SEC24A: variants seen among roughly 807,000 people sequenced by gnomAD.
SEC24A encodes protein transport protein Sec24A.
Under a neutral mutation model 129.4 loss-of-function variants are expected in SEC24A, and 93 were observed. That is an observed-to-expected ratio of 0.72 (90% CI 0.61 to 0.85). The LOEUF (loss-of-function observed/expected upper bound fraction) is 0.85, where lower values mean the gene tolerates loss of function less well. Ranked by LOEUF, SEC24A falls within the 40% of genes least tolerant of loss-of-function variation. SEC24A has a pLI of 0.00. For missense variants in SEC24A, 1,264 were observed against 1,307.4 expected (o/e 0.97, Z 0.51); for synonymous variants, 460 against 467.3 (o/e 0.98, Z 0.20).
In SEC24A at chr5:134,679,060, G is replaced by A. The variant is rs1297948561; in HGVS notation, c.1255-542G>A. ...TTTTGCAATATGAGTGTTTAATGAG[G>A]AAAAAAATGGTTTTTACATTTTTAT... is the stretch of plus-strand genomic sequence containing the variant. On this transcript the variant is annotated intron_variant, in intron 7 of 22. Coordinates refer to ENST00000398844, the MANE Select transcript of SEC24A (RefSeq NM_021982.3). Among the ~76,000 whole-genome samples the A allele has an allele frequency of 2.0e-5, 3 of 151,464 alleles. No homozygotes were observed. The East Asian group carries it at 5.8e-4, about 29-fold the overall frequency.
At chr5:134,708,946 C>T (rs536070581) in intron 18 of SEC24A, 58 bp downstream of exon 18, 1 of 1,519,062 alleles carries the variant, frequency 6.6e-7, no homozygotes, top group Non-Finnish European at 9.0e-7. Context: ...TGGCCTACAC[C>T]TGCAATCCCA....
At position 134,721,027 on chromosome 5, in the gene SEC24A, T is replaced by G. The variant is rs374330930; in HGVS notation, c.3000T>G (p.Cys1000Trp). The G allele has an allele frequency of 2.5e-6, 4 of 1,612,752 alleles. No homozygotes were observed. Among genetic ancestry groups the G allele is most frequent in the Non-Finnish European group, 3.4e-6 (4 of 1,178,886 alleles). ...TGATGCTTTGGGTTGGAAAAAATTG[T>G]ACACAGAATTTTCTCAGCCAAGTTC... ...SVLMLWVGKN[C>W]TQNFLSQVLG... is the part of the protein sequence containing the mutation. Residue 1000 changes from cysteine (C) to tryptophan (W), a missense_variant, in exon 21 of 23, where the codon TGT (cysteine) becomes TGG (tryptophan). Transcript: ENST00000398844.
intron 14 of SEC24A, among the ~76,000 whole-genome samples, 173 bp from the exon 15 acceptor site, chr5:134,697,726 C>T (rs1307369338): frequency 6.6e-6 from 1 of 152,004 alleles, no homozygotes; most frequent in Admixed American, 6.6e-5. Context: ...CTACTGCACT[C>T]CAGCCTGGGT....
chr5:134,660,510 A>T (rs1025004648), intron 1 of SEC24A, among the ~76,000 whole-genome samples: 1 of 152,044 alleles, frequency 6.6e-6, no homozygotes, highest in African/African-American at 2.4e-5. Context: ...TTATTTTTTT[A>T]CAAATGTTTT....
At chr5:134,663,727 T>C (rs1379763286) in intron 2 of SEC24A, among the ~76,000 whole-genome samples, 1 of 152,078 alleles carries the variant, frequency 6.6e-6, no homozygotes, top group African/African-American at 2.4e-5. Flanking sequence ...CTTAAAAAGG[T>C]ACATTATCAA....
In SEC24A at chr5:134,705,411, C is replaced by T; in HGVS notation, c.2525C>T (p.Ala842Val). ...NDVFLGADVQAISGLLANMAV... is the reference protein window; with the variant it reads ...NDVFLGADVQVISGLLANMAV... Reference sequence around the variant, plus strand: ...GTCTTTCTTGGAGCTGATGTTCAAGCAATTTCAGGGTTATTGGCCAATATG... The same window carrying T: ...GTCTTTCTTGGAGCTGATGTTCAAGTAATTTCAGGGTTATTGGCCAATATG... The change falls in exon 17 of 23, where the codon GCA becomes GTA. Residue 842 changes from alanine (A) to valine (V), a missense_variant. Transcript: ENST00000398844. 2 of 1,612,024 alleles carry T rather than the reference C, an allele frequency of 1.2e-6. No individual in the cohort carries two copies. Among genetic ancestry groups the T allele is most frequent in the Non-Finnish European group, 1.7e-6 (2 of 1,178,608 alleles).
chr5:134,661,679 T>A, intron 2 of SEC24A, 93 bp downstream of exon 2: 1 of 982,084 alleles, frequency 1.0e-6, no homozygotes, highest in Non-Finnish European at 1.5e-6. Context: ...GAAAACCATA[T>A]GGAAAATGTG....
chr5:134,674,545 G>GT (rs1257477097), intron 4 of SEC24A, 70 bp from the exon 5 acceptor site: 159 of 1,428,534 alleles, frequency 1.1e-4, no homozygotes, highest in Non-Finnish European at 2.3e-5. Context: ...CAAAAAAAAT[G>GT]TTTTTTTAAA....
chr5:134,692,950 G>A, intron 12 of SEC24A: 5 of 1,153,918 alleles, frequency 4.3e-6, no homozygotes, highest in Admixed American at 2.0e-5. Flanking sequence ...TGGGAGGGTT[G>A]CTGAGATAAA....
chr5:134,686,835 T>TCTCA lies in SEC24A; in HGVS notation c.1539_1542dup (p.Asn515SerfsTer28). On this transcript the variant is annotated frameshift_variant, in exon 10 of 23. Transcript: ENST00000398844. LOFTEE classifies it high-confidence loss of function. ...AGTGTATCTCTTTGTATTTGATGTGTCTCACAATGCAGTCGAAACTGGATA... is the reference window on the plus strand; with the variant it reads ...AGTGTATCTCTTTGTATTTGATGTGTCTCACTCACAATGCAGTCGAAACTGGATA... 1 of 1,610,928 alleles carries TCTCA rather than the reference T, an allele frequency of 6.2e-7. No homozygotes were observed. Among genetic ancestry groups the TCTCA allele is most frequent in the Non-Finnish European group, 8.5e-7 (1 of 1,178,642 alleles).
intron 18 of SEC24A, among the ~76,000 whole-genome samples, chr5:134,714,377 G>T (rs1190056938): frequency 2.0e-5 from 3 of 152,204 alleles, no homozygotes; most frequent in South Asian, 2.1e-4. Flanking sequence ...GGGCGAGGGA[G>T]CATTACTGCC....
At chr5:134,652,970 A>ATTT (rs776491776) in intron 1 of SEC24A, among the ~76,000 whole-genome samples, 1 of 119,286 alleles carries the variant, frequency 8.4e-6, no homozygotes, top group African/African-American at 3.1e-5. Flanking sequence ...AATTTTTTGT[A>ATTT]TTTTTTTTTT....
Position 134,674,693 on chromosome 5 carries a change from A to G in SEC24A, c.896A>G (p.Tyr299Cys), listed in dbSNP as rs374137565. ...TCATATCCCTCCTTACCACCTGGTT[A>G]TCAGAACACAACACCACCTGGTGCA... ...GYSYPSLPPGYQNTTPPGATG... is the reference protein window; with the variant it reads ...GYSYPSLPPGCQNTTPPGATG... The change falls in exon 5 of 23, where the codon TAT becomes TGT. Residue 299 changes from tyrosine (Y) to cysteine (C), a missense_variant. Physicochemically the swap from Tyr to Cys is radical, Grantham distance 194 (BLOSUM62 -2). Coordinates refer to ENST00000398844, the MANE Select transcript of SEC24A (RefSeq NM_021982.3). 12 of 1,613,962 alleles carry G rather than the reference A, an allele frequency of 7.4e-6. No individual in the cohort carries two copies. The highest frequency in any genetic ancestry group is 2.2e-5 in the East Asian group (1 of 44,896).
chr5:134,674,761 C>T lies in SEC24A; in HGVS notation c.964C>T (p.Gln322Ter), dbSNP rs1184263601. The change falls in exon 5 of 23, where the codon CAA becomes TAA. Residue 322 changes from glutamine (Q) to a stop codon, truncating the protein, a stop_gained. Transcript: ENST00000398844. LOFTEE classifies it high-confidence loss of function. ...TTCCTTGAATTACCCAAGTGGGCCA[C>T]AAGCCTTTACTCAGGTAAACTTTTT... ...PSSLNYPSGP[Q>*]AFTQTPLGAN... 1.2e-6 allele frequency: 2 copies of T among 1,613,272 alleles called. No individual in the cohort carries two copies. Among genetic ancestry groups the T allele is most frequent in the African/African-American group, 2.7e-5 (2 of 74,892 alleles).
intron 21 of SEC24A, among the ~76,000 whole-genome samples, chr5:134,722,491 C>T (rs1241597435): frequency 6.6e-6 from 1 of 152,120 alleles, no homozygotes; most frequent in Non-Finnish European, 1.5e-5. Flanking sequence ...GCAGGAGAAT[C>T]TCTGGCAGGC....
At chr5:134,658,398 C>T (rs1750324531) in intron 1 of SEC24A, among the ~76,000 whole-genome samples, 3 of 152,134 alleles carry the variant, frequency 2.0e-5, no homozygotes, top group South Asian at 4.1e-4. Context: ...GGGTGACTAT[C>T]ATGCTCACTT....
At chr5:134,697,302 T>C in intron 14 of SEC24A, 56 bp downstream of exon 14, 1 of 1,420,168 alleles carries the variant, frequency 7.0e-7, no homozygotes. Context: ...AAATGGTCCT[T>C]ATATGATAGT....
At chr5:134,664,308 G>A (rs1424899396) in intron 2 of SEC24A, among the ~76,000 whole-genome samples, 1 of 151,666 alleles carries the variant, frequency 6.6e-6, no homozygotes, top group African/African-American at 2.4e-5. Flanking sequence ...TGAGTATTTA[G>A]GTTATACTAA....
At chr5:134,718,287 C>A in intron 20 of SEC24A, 114 bp downstream of exon 20, 1 of 750,232 alleles carries the variant, frequency 1.3e-6, no homozygotes, top group East Asian at 2.6e-5. Context: ...CATATTTTAA[C>A]CTATATACAG....
Sources: allele counts gnomAD v4.1 joint callset (sites outside exome capture counted in the v4.1 genomes callset), GRCh38; gene constraint gnomAD v4.1.1; transcripts MANE v1.5; gene names NCBI Gene and HGNC (gene_info 2026-07-23, HGNC 2026-07-21).